The following SULF2 variants were observed in gnomAD, a reference collection of about 807,000 sequenced individuals.
The protein encoded by SULF2 is extracellular sulfatase Sulf-2.
A neutral mutation model predicts 107.7 loss-of-function variants in SULF2; 52 were observed. That is an observed-to-expected ratio of 0.48 (90% CI 0.39 to 0.61). The LOEUF (loss-of-function observed/expected upper bound fraction) is 0.61. SULF2 is among the 20% of genes least tolerant of loss of function. SULF2 has a pLI of 0.00. For synonymous variants in SULF2, 460 were observed against 464.3 expected, an observed-to-expected ratio of 0.99 and a Z score of 0.12; for missense variants, 993 against 1,177.3, an observed-to-expected ratio of 0.84 and a Z score of 2.29.
chr20:47,782,135 C>T (rs985038170), intron 1 of SULF2, among the ~76,000 whole-genome samples: 4 of 152,134 alleles, frequency 2.6e-5, no homozygotes, highest in Admixed American at 1.3e-4. Context: ...ACTGATACTC[C>T]ATTTGCAACT....
At chr20:47,663,931 T>TA (rs906347519) in intron 15 of SULF2, among the ~76,000 whole-genome samples, 199 bp downstream of exon 15, 5 of 152,190 alleles carry the variant, frequency 3.3e-5, no homozygotes, top group African/African-American at 1.2e-4. Flanking sequence ...GGAGTTGCGG[T>TA]AACCCCATTT....
chr20:47,745,398 AAAAAAAAAAAAAATATATATATATATAT>A lies in SULF2; in HGVS notation c.176-8484_176-8457del, dbSNP rs1356715166. On this transcript the variant is annotated intron_variant, in intron 2 of 20. Coordinates refer to ENST00000688720, the MANE Select transcript of SULF2 (RefSeq NM_001387048.1). ...GTTTTGAGGGAAAAAAAAAAAAAAA[AAAAAAAAAAAAAATATATATATATATAT>A]ATATATATATATATATATATATATA... Among the ~76,000 whole-genome samples the A allele has an allele frequency of 6.8e-4, 20 of 29,398 alleles. 1 individual carries two copies. The highest frequency in any genetic ancestry group is 1.5e-3 in the African/African-American group (9 of 6,004). The allele number at this position is 29,398 out of a possible 152,430, so 19.3% of individuals were successfully genotyped here.
chr20:47,707,873 C>CA (rs957204996), intron 3 of SULF2, among the ~76,000 whole-genome samples: 4 of 152,148 alleles, frequency 2.6e-5, no homozygotes, highest in African/African-American at 9.7e-5. Context: ...ACAATACTGT[C>CA]AGTGATGTAA....
At chr20:47,661,134 G>C (rs1235799588) in intron 18 of SULF2, among the ~76,000 whole-genome samples, 6 of 152,094 alleles carry the variant, frequency 3.9e-5, no homozygotes, top group Admixed American at 6.6e-5. Flanking sequence ...CCCCACACAG[G>C]GTGGCCCGAT....
At chr20:47,698,298 C>T (rs949661203) in intron 4 of SULF2, among the ~76,000 whole-genome samples, 2 of 152,216 alleles carry the variant, frequency 1.3e-5, no homozygotes, top group African/African-American at 4.8e-5. Context: ...CCTGCTACCC[C>T]CATGTCTGGC....
chr20:47,672,350 T>A lies in SULF2; in HGVS notation c.1424A>T (p.His475Leu). 1 of 1,613,064 alleles carries A rather than the reference T, an allele frequency of 6.2e-7. No homozygotes were observed. Among genetic ancestry groups the A allele is most frequent in the Non-Finnish European group, 8.5e-7 (1 of 1,179,898 alleles). ...CAGCCGCATGGGGCCCTTGCACTTA[T>A]GCAGCTTCAGCTTCCCCGTGGCGTC... ...VEDATGKLKL[H>L]KCKGPMRLGG... Residue 475 changes from histidine (H) to leucine (L), a missense_variant, in exon 11 of 21, where the codon CAT becomes CTT. Around this residue, in one of 3 missense-constraint regions of SULF2, gnomAD observed 497 missense variants for 544.1 expected, o/e 0.91. Coordinates refer to ENST00000688720, the MANE Select transcript of SULF2 (RefSeq NM_001387048.1).
At chr20:47,714,737 G>C (rs965007511) in intron 3 of SULF2, among the ~76,000 whole-genome samples, 1 of 152,124 alleles carries the variant, frequency 6.6e-6, no homozygotes, top group African/African-American at 2.4e-5. Flanking sequence ...CTCCGTGACT[G>C]CATCTGCCCC....
At chr20:47,670,992 G>A (rs1182009769) in intron 11 of SULF2, among the ~76,000 whole-genome samples, 2 of 151,922 alleles carry the variant, frequency 1.3e-5, no homozygotes, top group Non-Finnish European at 2.9e-5. Flanking sequence ...ACTTCTAGCC[G>A]GCGGACCCCG....
At chr20:47,750,797 G>A (rs994542272) in intron 2 of SULF2, among the ~76,000 whole-genome samples, 3 of 152,134 alleles carry the variant, frequency 2.0e-5, no homozygotes, top group African/African-American at 4.8e-5. Context: ...GCCTCTTTGC[G>A]GCTCTGAGCC....
Position 47,696,530 on chromosome 20 carries a change from T to C in SULF2, c.567+5989A>G, listed in dbSNP as rs144160455. ...ATTATTAATCACATCATACTGTACA[T>C]ATTCATTTATCTATCTGACAAATAC... is the stretch of plus-strand genomic sequence containing the variant. On this transcript the variant is annotated intron_variant, in intron 4 of 20. Coordinates refer to ENST00000688720, the MANE Select transcript of SULF2 (RefSeq NM_001387048.1). 7.1e-3 allele frequency among the ~76,000 whole-genome samples: 1,077 copies of C among 152,324 alleles called. 8 individuals carry two copies. Among genetic ancestry groups the C allele is most frequent in the Non-Finnish European group, 0.012 (831 of 68,024 alleles).
At chr20:47,717,231 T>C (rs1291620438) in intron 3 of SULF2, among the ~76,000 whole-genome samples, 1 of 152,212 alleles carries the variant, frequency 6.6e-6, no homozygotes, top group East Asian at 1.9e-4. Flanking sequence ...GACGATGACC[T>C]ACAACATCCC....
chr20:47,745,443 A>T (rs1409712170), intron 2 of SULF2, among the ~76,000 whole-genome samples: 1 of 8,910 alleles, frequency 1.1e-4, no homozygotes, highest in African/African-American at 6.7e-4. Flanking sequence ...ATATATATAT[A>T]TATATATATA....
At chr20:47,673,085 T>C (rs140804251) in intron 10 of SULF2, among the ~76,000 whole-genome samples, 193 of 152,304 alleles carry the variant, frequency 1.3e-3, no homozygotes, top group African/African-American at 4.3e-3. Flanking sequence ...AGAATCACTG[T>C]CCAAATCTCT....
Position 47,658,200 on chromosome 20 carries a change from GTTA to G in SULF2, c.*159_*161del. The G allele has an allele frequency of 1.4e-6, 1 of 721,212 alleles. No homozygotes were observed. The highest frequency in any genetic ancestry group is 1.7e-5 in the South Asian group (1 of 59,688). 44.7% of individuals were successfully genotyped at this position (721,212 alleles called of 1,614,324 possible). A position where few individuals can be genotyped will look rare whatever the true frequency, so the allele number is the denominator to read the frequency against. On this transcript the variant is annotated 3_prime_UTR_variant, in exon 21 of 21. Coordinates refer to ENST00000688720, the MANE Select transcript of SULF2 (RefSeq NM_001387048.1). ...CCTGAAGTTATCTCTGCTCCTGCTGGTTATCCTCCAGAATCTGTCATGTTGACT... is the reference window on the plus strand; with the variant it reads ...CCTGAAGTTATCTCTGCTCCTGCTGGTCCTCCAGAATCTGTCATGTTGACT...
rs547403576 is a variant in SULF2 at position 47,717,469 on chromosome 20, C to T, written c.416-14799G>A. 1.1e-4 allele frequency among the ~76,000 whole-genome samples: 17 copies of T among 152,274 alleles called. No individual in the cohort carries two copies. In the South Asian group the frequency reaches 1.7e-3, roughly 15 times the overall value. ...CTGGAGCTCTTCCCATCCACGGGGA[C>T]GCAGAGAGGCAGGGAAGAGGGAACA... On this transcript the variant is annotated intron_variant, in intron 3 of 20. Transcript: ENST00000688720.
At position 47,683,112 on chromosome 20, in the gene SULF2, C is replaced by T. The variant is rs756201574; in HGVS notation, c.946G>A (p.Ala316Thr). ...TGGCCGATGTGGTAACCGTGGTCGG[C>T]GGTGTATACGATGTACGTGTTGTCC... ...ELDNTYIVYT[A>T]DHGYHIGQFG... The change falls in exon 7 of 21, where the codon GCC becomes ACC. Residue 316 changes from alanine to threonine, a missense_variant. By Grantham distance (58) the Ala-to-Thr change is moderately conservative (BLOSUM62 0). Transcript: ENST00000688720. The T allele has an allele frequency of 9.9e-6, 16 of 1,613,378 alleles. No individual in the cohort carries two copies. The South Asian group carries it at 1.3e-4, about 13-fold the overall frequency.
intron 7 of SULF2, among the ~76,000 whole-genome samples, chr20:47,679,301 T>C (rs1394468383): frequency 6.6e-6 from 1 of 152,106 alleles, no homozygotes; most frequent in African/African-American, 2.4e-5. Context: ...TTTAGTTCTT[T>C]GCTCTATGAC....
chr20:47,764,666 G>T (rs745474008), intron 1 of SULF2, among the ~76,000 whole-genome samples: 1 of 152,180 alleles, frequency 6.6e-6, no homozygotes, highest in Non-Finnish European at 1.5e-5. Context: ...GATGGAGCCC[G>T]AGAGAGAGGA....
chr20:47,701,790 A>G (rs1351356550), intron 4 of SULF2, among the ~76,000 whole-genome samples: 1 of 152,222 alleles, frequency 6.6e-6, no homozygotes, highest in Admixed American at 6.5e-5. Context: ...ATGCAGAGTG[A>G]ATCTGTAACG....
Sources: gnomAD v4.1 joint callset for allele counts (sites outside exome capture counted in the v4.1 genomes callset) on GRCh38, gnomAD v4.1.1 for gene constraint, gnomAD v4.1.1 regional missense constraint, MANE v1.5 for transcripts, NCBI Gene and HGNC (gene_info 2026-07-23, HGNC 2026-07-21) for gene names.